The following APOC2 variants were observed in gnomAD, a reference collection of about 807,000 sequenced individuals.
APOC2 encodes apolipoprotein C2, also known as apolipoprotein C-II.
Under a neutral mutation model 10.2 loss-of-function variants are expected in APOC2, and 6 were observed. The ratio of observed to expected loss-of-function variants is 0.59; its 90% CI spans 0.32 to 1.16. The LOEUF (loss-of-function observed/expected upper bound fraction) is 1.16. Among genes scored for constraint, APOC2 ranks in the 50% most tolerant of loss-of-function variants. The pLI, the probability that APOC2 is intolerant of heterozygous loss-of-function variation, is 0.05. For synonymous variants in APOC2, 56 were observed against 48.5 expected, an observed-to-expected ratio of 1.15 and a Z score of -0.64; for missense variants, 110 against 117.6, an observed-to-expected ratio of 0.94 and a Z score of 0.30.
intron 1 of APOC2, among the ~76,000 whole-genome samples, chr19:44,948,018 G>A (rs541874945): frequency 2.0e-5 from 3 of 152,182 alleles, no homozygotes; most frequent in South Asian, 2.1e-4. Context: ...GCAGTGAGCC[G>A]AGAACACGCC....
At position 44,948,390 on chromosome 19, in the gene APOC2, C is replaced by G. The variant is rs7257095; in HGVS notation, c.-13-76C>G. On this transcript the variant is annotated intron_variant, in intron 1 of 3. Coordinates refer to ENST00000252490, the MANE Select transcript of APOC2 (RefSeq NM_000483.5). ...ACACAGAGCAGGATCTCAGTCCCCCCCACCAGAGTGGGGCGTGACCACAGG... is the reference window on the plus strand; with the variant it reads ...ACACAGAGCAGGATCTCAGTCCCCCGCACCAGAGTGGGGCGTGACCACAGG... 0.016 allele frequency: 20,450 copies of G among 1,266,596 alleles called. 597 individuals carry two copies. Among genetic ancestry groups the G allele is most frequent in the African/African-American group, 0.11 (7,590 of 67,610 alleles). 78.5% of individuals were successfully genotyped at this position (1,266,596 alleles called of 1,614,324 possible). A position where few individuals can be genotyped will look rare whatever the true frequency, so the allele number is the denominator to read the frequency against.
chr19:44,946,709 C>T (rs546233268), intron 1 of APOC2, among the ~76,000 whole-genome samples: 174 of 151,920 alleles, frequency 1.1e-3, no homozygotes, highest in Middle Eastern at 3.4e-3. Flanking sequence ...GTAATCCCAG[C>T]TATTCCAGAG....
intron 2 of APOC2, 69 bp from the exon 3 acceptor site, chr19:44,948,632 C>T (rs1478903325): frequency 8.1e-6 from 13 of 1,606,996 alleles, no homozygotes; most frequent in Non-Finnish European, 1.0e-5. Flanking sequence ...CTGCCCTCTC[C>T]TCTTCTTCCT....
intron 3 of APOC2, 44 bp from the exon 4 acceptor site, chr19:44,949,115 C>G (rs367812198): frequency 6.5e-7 from 1 of 1,528,624 alleles, no homozygotes; most frequent in Non-Finnish European, 9.0e-7. Context: ...GGAGTCCAGG[C>G]CCCCAGCCCC....
chr19:44,947,408 C>T (rs1970333895), intron 1 of APOC2: 1 of 152,300 alleles, frequency 6.6e-6, no homozygotes, highest in Admixed American at 6.5e-5. Flanking sequence ...TTAATGGTGT[C>T]TGCAGAGCAC....
At chr19:44,947,576 G>A (rs971353740) in intron 1 of APOC2, among the ~76,000 whole-genome samples, 2 of 151,966 alleles carry the variant, frequency 1.3e-5, no homozygotes, top group Non-Finnish European at 2.9e-5. Flanking sequence ...TGGGAGGATC[G>A]CTTGAGCCCA....
At chr19:44,946,570 C>T (rs986019775) in intron 1 of APOC2, among the ~76,000 whole-genome samples, 2 of 151,960 alleles carry the variant, frequency 1.3e-5, no homozygotes, top group Non-Finnish European at 2.9e-5. Context: ...GCCTGTAATC[C>T]CAGCACTCTG....
chr19:44,948,620 C>T (rs781495476), intron 2 of APOC2, 81 bp from the exon 3 acceptor site: 125 of 1,604,080 alleles, frequency 7.8e-5, no homozygotes, highest in Non-Finnish European at 1.0e-4. Context: ...TTACCTCTGC[C>T]TCTGCCCTCT....
At chr19:44,946,324 C>G (rs1051758165) in intron 1 of APOC2, among the ~76,000 whole-genome samples, 3 of 151,850 alleles carry the variant, frequency 2.0e-5, no homozygotes, top group African/African-American at 7.3e-5. Flanking sequence ...GCCTCAGCCT[C>G]CCCAGTAGCT....
intron 1 of APOC2, among the ~76,000 whole-genome samples, chr19:44,946,652 TC>T (rs1463099382): frequency 6.6e-6 from 1 of 151,984 alleles, no homozygotes; most frequent in Non-Finnish European, 1.5e-5. Context: ...TGAAACCGCA[TC>T]TATACTAAAA....
intron 2 of APOC2, 23 bp from the exon 3 acceptor site, chr19:44,948,675 TCTC>T: frequency 6.2e-7 from 1 of 1,613,468 alleles, no homozygotes. Flanking sequence ...CCCCACGGGC[TCTC>T]CTGACACACT....
Position 44,948,683 on chromosome 19 carries a change from C to T in APOC2, c.56-18C>T. On this transcript the variant is annotated intron_variant, in intron 2 of 3. Transcript: ENST00000252490. Reference sequence around the variant, plus strand: ...GCTGCAGCCCCACGGGCTCTCCTGACACACTCTCCCCCTGCAGAGGTCCAG... The same window carrying T: ...GCTGCAGCCCCACGGGCTCTCCTGATACACTCTCCCCCTGCAGAGGTCCAG... 2.5e-6 allele frequency: 4 copies of T among 1,614,022 alleles called. No homozygotes were observed. The highest frequency in any genetic ancestry group is 3.4e-6 in the Non-Finnish European group (4 of 1,179,974).
At chr19:44,946,191 C>CTGTGTGTGTGTGTGTGTGTGTGTGTGTG (rs71338739) in intron 1 of APOC2, 116 bp downstream of exon 1, 2 of 134,046 alleles carry the variant, frequency 1.5e-5, no homozygotes, top group African/African-American at 6.0e-5. Flanking sequence ...GGAACCATGA[C>CTGTGTGTGTGTGTGTGTGTGTGTGTGTG]TGTGTGTGTG....
intron 1 of APOC2, among the ~76,000 whole-genome samples, chr19:44,947,761 C>G (rs1027612931): frequency 4.6e-5 from 7 of 152,036 alleles, no homozygotes; most frequent in African/African-American, 1.4e-4. Context: ...TGGTGAAACC[C>G]CATCTCTACT....
rs146500837 is a variant in APOC2 at position 44,949,202 on chromosome 19, G to C, written c.259G>C (p.Gly87Arg). 1 of 1,613,916 alleles carries C rather than the reference G, an allele frequency of 6.2e-7. No individual in the cohort carries two copies. Among genetic ancestry groups the C allele is most frequent in the African/African-American group, 1.3e-5 (1 of 74,894 alleles). ...CACAGCAGCCATGAGCACTTACACA[G>C]GCATTTTTACTGACCAAGTTCTTTC... ...KSTAAMSTYT[G>R]IFTDQVLSVL... The change falls in exon 4 of 4, where the codon GGC (glycine) becomes CGC (arginine). Residue 87 changes from glycine to arginine, a missense_variant. Transcript: ENST00000252490.
intron 1 of APOC2, among the ~76,000 whole-genome samples, chr19:44,946,620 G>A (rs1480219789): frequency 6.6e-6 from 1 of 152,068 alleles, no homozygotes; most frequent in Non-Finnish European, 1.5e-5. Flanking sequence ...TCAGGAGTTC[G>A]ACACCAGCCT....
intron 1 of APOC2, among the ~76,000 whole-genome samples, chr19:44,946,666 A>G (rs1270349702): frequency 6.6e-6 from 1 of 152,048 alleles, no homozygotes; most frequent in Non-Finnish European, 1.5e-5. Context: ...TACTAAAAAT[A>G]CAAAAATTGG....
Position 44,949,382 on chromosome 19 carries a change from A to C in APOC2, c.*133A>C. The C allele has an allele frequency of 1.3e-6, 1 of 748,958 alleles. No individual in the cohort carries two copies. Among genetic ancestry groups the C allele is most frequent in the Admixed American group, 2.1e-5 (1 of 48,360 alleles). 46.4% of individuals were successfully genotyped at this position (748,958 alleles called of 1,614,324 possible). On this transcript the variant is annotated 3_prime_UTR_variant, in exon 4 of 4. Coordinates refer to ENST00000252490, the MANE Select transcript of APOC2 (RefSeq NM_000483.5). ...CTCTAGCCTGAATTCTTTTCAATAA[A>C]AAATACAATTCAAGTTGCTTCTCAT...
At chr19:44,946,191 C>CTGTGTGTGTGTGTGTGTGTG (rs71338739) in intron 1 of APOC2, 116 bp downstream of exon 1, 23 of 134,110 alleles carry the variant, frequency 1.7e-4, no homozygotes, top group African/African-American at 5.4e-4. Context: ...GGAACCATGA[C>CTGTGTGTGTGTGTGTGTGTG]TGTGTGTGTG....
Sources: gnomAD v4.1 joint callset for allele counts (sites outside exome capture counted in the v4.1 genomes callset) on GRCh38, gnomAD v4.1.1 for gene constraint, MANE v1.5 for transcripts, NCBI Gene and HGNC (gene_info 2026-07-23, HGNC 2026-07-21) for gene names.